Variants in NUP210 observed in about 807,000 individuals in gnomAD.
NUP210 encodes nuclear pore membrane glycoprotein 210.
In NUP210, 151 loss-of-function variants were observed where a neutral mutation model predicts 196.0. The ratio of observed to expected loss-of-function variants is 0.77; its 90% CI spans 0.67 to 0.88. The LOEUF (loss-of-function observed/expected upper bound fraction) is 0.88, where lower values mean the gene tolerates loss of function less well. Ranked by LOEUF, NUP210 falls within the 40% of genes least tolerant of loss-of-function variation. The pLI is 0.00. For missense variants in NUP210, 2,314 were observed against 2,493.7 expected (o/e 0.93, Z 1.53); for synonymous variants, 1,070 against 1,052.7 (o/e 1.02, Z -0.32).
At chr3:13,338,063 C>T (rs1270875611) in intron 25 of NUP210, 146 bp from the exon 26 acceptor site, 5 of 721,944 alleles carry the variant, frequency 6.9e-6, no homozygotes, top group African/African-American at 1.8e-5. Flanking sequence ...GCTCCTCTGC[C>T]GAGGGAGGCC....
intron 6 of NUP210, among the ~76,000 whole-genome samples, chr3:13,381,328 G>A (rs1248289437): frequency 6.6e-6 from 1 of 152,012 alleles, no homozygotes; most frequent in South Asian, 2.1e-4. Flanking sequence ...TAGCACAGAT[G>A]TAACCCTCCT....
chr3:13,382,464 G>A (rs1475274920), intron 6 of NUP210, among the ~76,000 whole-genome samples: 1 of 152,184 alleles, frequency 6.6e-6, no homozygotes, highest in Non-Finnish European at 1.5e-5. Context: ...CAGTCCTGCT[G>A]ACCACTGTGC....
At chr3:13,372,179 C>T in intron 12 of NUP210, 147 bp from the exon 13 acceptor site, 1 of 784,912 alleles carries the variant, frequency 1.3e-6, no homozygotes, top group Non-Finnish European at 2.0e-6. Flanking sequence ...GATTCAGGGA[C>T]AGAGAGCAGG....
Position 13,323,439 on chromosome 3 carries a change from A to G in NUP210, c.4645-7T>C. On this transcript the variant is annotated splice_polypyrimidine_tract_variant and splice_region_variant and intron_variant, in intron 33 of 39. Transcript: ENST00000254508. This position sits in a 1 kb window ranked among gnomAD's most constrained non-coding sequence, Gnocchi z 4.3. Reference sequence around the variant, plus strand: ...GAGGGACGCTGACCACCACCTAGAGAGGGAGCCAAGGAAGCTTCATGGAGC... The same window carrying G: ...GAGGGACGCTGACCACCACCTAGAGGGGGAGCCAAGGAAGCTTCATGGAGC... 3.7e-6 allele frequency: 6 copies of G among 1,613,684 alleles called. No homozygotes were observed. The highest frequency in any genetic ancestry group is 5.1e-6 in the Non-Finnish European group (6 of 1,179,846).
At chr3:13,357,585 G>A (rs994572155) in intron 16 of NUP210, among the ~76,000 whole-genome samples, 8 of 152,112 alleles carry the variant, frequency 5.3e-5, no homozygotes, top group South Asian at 2.1e-4. Flanking sequence ...GCTGATGCTG[G>A]CCAGAGGATG....
intron 33 of NUP210, 86 bp downstream of exon 33, chr3:13,325,709 G>T: frequency 6.6e-7 from 1 of 1,517,454 alleles, no homozygotes; most frequent in Non-Finnish European, 9.0e-7. Context: ...TTCCCTAAAA[G>T]GAAAAGTCTT....
At position 13,340,074 on chromosome 3, in the gene NUP210, G is replaced by A. The variant is rs1697402351; in HGVS notation, c.3292-41C>T. 6.2e-7 allele frequency: 1 copy of A among 1,606,612 alleles called. No homozygotes were observed. The highest frequency in any genetic ancestry group is 1.3e-5 in the African/African-American group (1 of 74,834). The stretch of plus-strand genomic sequence containing the variant: ...ACAGCGGCGTGTCAGTGCCCGTCAT[G>A]CCAGGCAGCCCGCACCTCCCACTCA... On this transcript the variant is annotated intron_variant, in intron 24 of 39. Coordinates refer to ENST00000254508, the MANE Select transcript of NUP210 (RefSeq NM_024923.4). This position sits in a 1 kb window ranked among gnomAD's most constrained non-coding sequence, Gnocchi z 4.0.
intron 20 of NUP210, among the ~76,000 whole-genome samples, chr3:13,351,384 C>T (rs915120263): frequency 1.3e-5 from 2 of 152,178 alleles, no homozygotes; most frequent in Non-Finnish European, 2.9e-5. Flanking sequence ...AGTTTGTGGA[C>T]AGGGAATACA....
chr3:13,373,683 G>A, intron 12 of NUP210, 35 bp downstream of exon 12: 1 of 1,608,616 alleles, frequency 6.2e-7, no homozygotes. Flanking sequence ...CACCATCCGA[G>A]CCTCCCAGGG....
In NUP210 at chr3:13,325,940, G is replaced by C. The variant is rs665107; in HGVS notation, c.4508-9C>G. 24 of 1,613,500 alleles carry C rather than the reference G, an allele frequency of 1.5e-5. No homozygotes were observed. The Admixed American group carries it at 3.5e-4, about 24-fold the overall frequency. On this transcript the variant is annotated splice_polypyrimidine_tract_variant and intron_variant, in intron 32 of 39. Coordinates refer to ENST00000254508, the MANE Select transcript of NUP210 (RefSeq NM_024923.4). ...CCAGGTTCCTGAGAGGCCTGGAGAG[G>C]AAGCACAGGTGTCAGCCCCCTTTCC...
intron 33 of NUP210, among the ~76,000 whole-genome samples, chr3:13,324,968 A>G (rs1021167903): frequency 1.5e-4 from 23 of 152,148 alleles, no homozygotes; most frequent in Admixed American, 1.4e-3. Context: ...GCGAGACTCA[A>G]TGATTGCTCA....
At chr3:13,363,267 C>T (rs1234855985) in intron 14 of NUP210, among the ~76,000 whole-genome samples, 1 of 152,144 alleles carries the variant, frequency 6.6e-6, no homozygotes, top group Non-Finnish European at 1.5e-5. Context: ...CCAAGCTAAC[C>T]CAGCTGGTGG....
rs367734620 is a variant in NUP210 at position 13,319,996 on chromosome 3, A to G, written c.5167-17T>C. On this transcript the variant is annotated splice_polypyrimidine_tract_variant and intron_variant, in intron 36 of 39. Coordinates refer to ENST00000254508, the MANE Select transcript of NUP210 (RefSeq NM_024923.4). Reference sequence around the variant, plus strand: ...GGATTTCACCTGGAAGAGACATCAGAGCTGGGGGTGCACATTCTGCAGAGT... The same window carrying G: ...GGATTTCACCTGGAAGAGACATCAGGGCTGGGGGTGCACATTCTGCAGAGT... 3.1e-5 allele frequency: 50 copies of G among 1,610,886 alleles called. No homozygotes were observed. In the African/African-American group the frequency reaches 5.1e-4, roughly 16 times the overall value.
In NUP210 at chr3:13,347,608, A is replaced by G. The variant is rs11921830; in HGVS notation, c.2835+4271T>C. Among the ~76,000 whole-genome samples, 5,183 of 152,208 alleles carry G rather than the reference A, an allele frequency of 0.034. 121 individuals carry two copies. The highest frequency in any genetic ancestry group is 0.075 in the Middle Eastern group (22 of 294). On this transcript the variant is annotated intron_variant, in intron 20 of 39. Transcript: ENST00000254508. The surrounding 1 kb of genome is among the most constrained non-coding windows in gnomAD (Gnocchi z 4.7). The stretch of plus-strand genomic sequence containing the variant: ...AGCCCCCCAGAGACACTCCAAAGCC[A>G]CACATTCCCGCAAGCCATCCTTCCG...
At chr3:13,417,396 A>C (rs1488650595) in intron 1 of NUP210, among the ~76,000 whole-genome samples, 2 of 152,220 alleles carry the variant, frequency 1.3e-5, no homozygotes, top group Non-Finnish European at 2.9e-5. Context: ...CTGTAAACTT[A>C]GAGCTCAGCT....
At position 13,318,264 on chromosome 3, in the gene NUP210, C is replaced by T. The variant is rs992360030; in HGVS notation, c.5564-483G>A. 2.0e-5 allele frequency among the ~76,000 whole-genome samples: 3 copies of T among 152,322 alleles called. No individual in the cohort carries two copies. The East Asian group carries it at 5.8e-4, about 29-fold the overall frequency. On this transcript the variant is annotated intron_variant, in intron 39 of 39. Coordinates refer to ENST00000254508, the MANE Select transcript of NUP210 (RefSeq NM_024923.4). ...CAGGCACCTGCTGCCAGAGCAGCTG[C>T]AGAAGGCAGCAGAGCCGCGAGGAGG...
At chr3:13,343,339 T>TGGTGGGGGGGGGGGG in intron 20 of NUP210, 36 bp from the exon 21 acceptor site, 1 of 282,522 alleles carries the variant, frequency 3.5e-6, no homozygotes. Context: ...GGGTGGGTGG[T>TGGTGGGGGGGGGGGG]GGGTTACGCA....
intron 28 of NUP210, among the ~76,000 whole-genome samples, chr3:13,334,387 T>C (rs1203249213): frequency 6.6e-6 from 1 of 152,098 alleles, no homozygotes; most frequent in Non-Finnish European, 1.5e-5. Flanking sequence ...TATGTATGTG[T>C]CTCTATGTAT....
In NUP210 at chr3:13,319,092, C is replaced by T. The variant is rs779636166; in HGVS notation, c.5543G>A (p.Ser1848Asn). 4 of 1,606,558 alleles carry T rather than the reference C, an allele frequency of 2.5e-6. No homozygotes were observed. The East Asian group carries it at 9.0e-5, about 36-fold the overall frequency. ...AVPAALTPRA[S>N]PGHSPHYFAA... The stretch of plus-strand genomic sequence containing the variant: ...CTCACAGTGGGGGCTGTGTCCAGGG[C>T]TGGCTCGAGGCGTGAGGGCTGCAGG... The change falls in exon 39 of 40, where the codon AGC becomes AAC. Residue 1848 changes from serine to asparagine, a missense_variant. Ser to Asn is a conservative substitution (Grantham distance 46). Transcript: ENST00000254508.
Sources: gnomAD v4.1 joint callset for allele counts (sites outside exome capture counted in the v4.1 genomes callset) on GRCh38, gnomAD v4.1.1 for gene constraint, Gnocchi (gnomAD v3.1) non-coding constraint, MANE v1.5 for transcripts, NCBI Gene and HGNC (gene_info 2026-07-23, HGNC 2026-07-21) for gene names.